CDH13: variants seen among roughly 807,000 people sequenced by gnomAD.
CDH13 encodes cadherin 13, also known as cadherin-13.
A neutral mutation model predicts 63.8 loss-of-function variants in CDH13; 24 were observed. That is an observed-to-expected ratio of 0.38 (90% confidence interval 0.27 to 0.53). The LOEUF (loss-of-function observed/expected upper bound fraction) is 0.53, where lower values mean the gene tolerates loss of function less well. Among genes scored for constraint, CDH13 ranks in the 20% least tolerant of loss-of-function variants. The probability of loss-of-function intolerance (pLI) is 0.85; values close to 1 mark genes in which losing one functional copy is unlikely to be tolerated. For missense variants in CDH13, 1,049 were observed against 903.1 expected (o/e 1.16, Z -2.07); for synonymous variants, 503 against 355.3 (o/e 1.42, Z -4.67).
intron 1 of CDH13, among the ~76,000 whole-genome samples, chr16:82,789,632 C>T (rs1353411655): frequency 1.3e-5 from 2 of 152,210 alleles, no homozygotes; most frequent in African/African-American, 4.8e-5. Context: ...CCTGTTTCTA[C>T]AAGAGCAACC....
intron 4 of CDH13, among the ~76,000 whole-genome samples, chr16:83,207,100 A>G (rs577173869): frequency 3.9e-5 from 6 of 152,362 alleles, no homozygotes; most frequent in African/African-American, 1.2e-4. Context: ...AAGAGAAAAT[A>G]CTATTTTTTT....
chr16:83,316,222 C>T (rs1460720032), intron 5 of CDH13, among the ~76,000 whole-genome samples: 1 of 152,158 alleles, frequency 6.6e-6, no homozygotes, highest in Admixed American at 6.5e-5. Context: ...GAGGTCCCTC[C>T]CCAAACACGT....
Position 83,645,908 on chromosome 16 carries a change from A to C in CDH13, c.1102-24882A>C, listed in dbSNP as rs557297079. 6.6e-5 allele frequency among the ~76,000 whole-genome samples: 10 copies of C among 152,316 alleles called. No individual in the cohort carries two copies. In the South Asian group the frequency reaches 1.9e-3, roughly 28 times the overall value. On this transcript the variant is annotated intron_variant, in intron 8 of 13. Coordinates refer to ENST00000567109, the MANE Select transcript of CDH13 (RefSeq NM_001257.5). ...AAGGGAGACGAAAATTGAGGTGAAA[A>C]ATCATTCTGCCATTACTTAGAAAAC... is the stretch of plus-strand genomic sequence containing the variant.
chr16:83,062,788 C>T (rs1331640826), intron 3 of CDH13, among the ~76,000 whole-genome samples: 2 of 152,080 alleles, frequency 1.3e-5, no homozygotes, highest in Non-Finnish European at 2.9e-5. Flanking sequence ...AGCTGGTTGT[C>T]AACTGGGTCT....
chr16:82,970,645 C>T lies in CDH13; in HGVS notation c.158-61365C>T, dbSNP rs571552515. Among the ~76,000 whole-genome samples the T allele has an allele frequency of 5.5e-4, 65 of 117,344 alleles. 3 individuals carry two copies. The highest frequency in any genetic ancestry group is 1.6e-3 in the African/African-American group (58 of 37,116). 77.0% of individuals were successfully genotyped at this position (117,344 alleles called of 152,430 possible). On this transcript the variant is annotated intron_variant, in intron 2 of 13. Transcript: ENST00000567109. ...CAATCTCCTGACCTCATGATCCACC[C>T]GCCTCGGCCTCCCAAAGTGCCAGTG...
intron 8 of CDH13, among the ~76,000 whole-genome samples, chr16:83,651,940 T>C (rs1912421532): frequency 6.6e-6 from 1 of 152,136 alleles, no homozygotes; most frequent in African/African-American, 2.4e-5. Flanking sequence ...AGTGCGTCTC[T>C]CCTCACGCAG....
chr16:82,898,304 C>T (rs1482567181), intron 2 of CDH13, among the ~76,000 whole-genome samples: 4 of 152,132 alleles, frequency 2.6e-5, no homozygotes, highest in Admixed American at 6.5e-5. Flanking sequence ...GTGGGTGGAT[C>T]ACCCGAGATC....
intron 1 of CDH13, among the ~76,000 whole-genome samples, chr16:82,801,213 T>C (rs917466811): frequency 6.6e-6 from 1 of 152,182 alleles, no homozygotes; most frequent in African/African-American, 2.4e-5. Flanking sequence ...CACCAACACC[T>C]ATGAGATTTA....
chr16:83,103,795 A>G (rs2034631883), intron 3 of CDH13, among the ~76,000 whole-genome samples: 1 of 152,244 alleles, frequency 6.6e-6, no homozygotes, highest in Non-Finnish European at 1.5e-5. Context: ...CCTAATTCAC[A>G]GTAAGTGCTC....
At chr16:83,252,042 CTTTT>C (rs1225636654) in intron 5 of CDH13, among the ~76,000 whole-genome samples, 3 of 148,342 alleles carry the variant, frequency 2.0e-5, no homozygotes, top group Non-Finnish European at 4.4e-5. Context: ...ATTATCCCAG[CTTTT>C]ACCTCTTTTT....
At chr16:83,346,288 G>A (rs1489406041) in intron 6 of CDH13, among the ~76,000 whole-genome samples, 1 of 152,150 alleles carries the variant, frequency 6.6e-6, no homozygotes, top group Admixed American at 6.5e-5. Flanking sequence ...CAATCCACGT[G>A]GCCCCTCTCT....
At chr16:83,341,081 C>T (rs2090710882) in intron 5 of CDH13, among the ~76,000 whole-genome samples, 1 of 152,174 alleles carries the variant, frequency 6.6e-6, no homozygotes, top group South Asian at 2.1e-4. Context: ...CAAGTGGCAT[C>T]TCACTTCTAA....
intron 6 of CDH13, chr16:83,382,966 C>A (rs2091596873): frequency 6.6e-6 from 1 of 152,122 alleles, no homozygotes; most frequent in Non-Finnish European, 1.5e-5. Flanking sequence ...CAAGACAGAC[C>A]CCAAGAATTA....
intron 5 of CDH13, among the ~76,000 whole-genome samples, chr16:83,296,684 A>G (rs1231701354): frequency 6.6e-6 from 1 of 152,198 alleles, no homozygotes; most frequent in African/African-American, 2.4e-5. Context: ...CAGAGTTTTT[A>G]TGACAGGCAG....
At chr16:83,554,885 C>T (rs1334178373) in intron 7 of CDH13, among the ~76,000 whole-genome samples, 1 of 150,960 alleles carries the variant, frequency 6.6e-6, no homozygotes, top group Non-Finnish European at 1.5e-5. Flanking sequence ...TACTGCAGCA[C>T]ATGTATTCCC....
intron 6 of CDH13, among the ~76,000 whole-genome samples, chr16:83,469,669 A>C (rs996650983): frequency 1.3e-5 from 2 of 152,172 alleles, no homozygotes; most frequent in Admixed American, 1.3e-4. Flanking sequence ...GAAGGTCCAC[A>C]TGAGGCCTTT....
chr16:82,696,511 T>C (rs1055076521), intron 1 of CDH13, among the ~76,000 whole-genome samples: 1 of 152,190 alleles, frequency 6.6e-6, no homozygotes, highest in African/African-American at 2.4e-5. Flanking sequence ...TCTGCACCTT[T>C]GGTTTTGATG....
At chr16:82,683,974 T>G (rs892043078) in intron 1 of CDH13, among the ~76,000 whole-genome samples, 2 of 152,240 alleles carry the variant, frequency 1.3e-5, no homozygotes, top group Admixed American at 1.3e-4. Flanking sequence ...TCTCCTCTTT[T>G]ATTAAATCTG....
intron 1 of CDH13, among the ~76,000 whole-genome samples, chr16:82,770,769 G>T (rs779167234): frequency 5.2e-4 from 79 of 152,212 alleles, no homozygotes; most frequent in Non-Finnish European, 1.8e-4. Flanking sequence ...GTGCAGTGGC[G>T]TGATCTCGGC....
Sources: allele counts gnomAD v4.1 joint callset (sites outside exome capture counted in the v4.1 genomes callset), GRCh38; gene constraint gnomAD v4.1.1; transcripts MANE v1.5; gene names NCBI Gene and HGNC (gene_info 2026-07-23, HGNC 2026-07-21).